The following CTNND2 variants were observed in gnomAD, a reference collection of about 807,000 sequenced individuals.
CTNND2 encodes catenin delta-2.
CTNND2 carries 22 observed loss-of-function variants against 144.4 expected under a neutral mutation model. That is an observed-to-expected ratio of 0.15 (90% CI 0.11 to 0.22). CTNND2 has a LOEUF of 0.22. CTNND2 is among the 10% of genes least tolerant of loss of function. The probability of loss-of-function intolerance (pLI) is 1.00; values close to 1 mark genes in which losing one functional copy is unlikely to be tolerated. For missense variants in CTNND2, 1,353 were observed against 1,618.8 expected (o/e 0.84, Z 2.82); for synonymous variants, 751 against 695.6 (o/e 1.08, Z -1.25).
chr5:11,076,551 T>A (rs187676999), intron 16 of CTNND2, among the ~76,000 whole-genome samples: 2 of 152,200 alleles, frequency 1.3e-5, no homozygotes, highest in Admixed American at 1.3e-4. Context: ...AAGAAATGTA[T>A]GGATGTGCAT....
chr5:11,297,256 T>G (rs1749119877), intron 9 of CTNND2, among the ~76,000 whole-genome samples: 1 of 152,242 alleles, frequency 6.6e-6, no homozygotes, highest in Admixed American at 6.5e-5. Context: ...TTTAAGGAAC[T>G]AAAACTTGTA....
chr5:10,983,925 C>A (rs367726794), intron 20 of CTNND2, among the ~76,000 whole-genome samples: 1 of 152,126 alleles, frequency 6.6e-6, no homozygotes, highest in African/African-American at 2.4e-5. Context: ...CCAGCTTTGC[C>A]GACCCTCCTT....
chr5:11,093,273 G>T (rs1427223931), intron 15 of CTNND2, among the ~76,000 whole-genome samples: 1 of 152,126 alleles, frequency 6.6e-6, no homozygotes, highest in East Asian at 1.9e-4. Context: ...AAGTACAATA[G>T]AAATAATCCA....
intron 11 of CTNND2, among the ~76,000 whole-genome samples, chr5:11,176,696 G>C (rs1341479934): frequency 6.6e-6 from 1 of 152,118 alleles, no homozygotes; most frequent in Non-Finnish European, 1.5e-5. Flanking sequence ...GGGAACTCAA[G>C]ATCCAGCAAA....
At chr5:11,048,275 ACAGT>A (rs1250065680) in intron 16 of CTNND2, among the ~76,000 whole-genome samples, 1 of 152,224 alleles carries the variant, frequency 6.6e-6, no homozygotes, top group Non-Finnish European at 1.5e-5. Context: ...ACCATGGCAA[ACAGT>A]CAGGTATCCC....
chr5:11,253,528 T>C (rs1009160490), intron 9 of CTNND2, among the ~76,000 whole-genome samples: 10 of 152,200 alleles, frequency 6.6e-5, no homozygotes, highest in Admixed American at 2.6e-4. Flanking sequence ...CCTGCTGCCA[T>C]GTAAGACATG....
chr5:11,006,587 C>T (rs142859930), intron 18 of CTNND2, among the ~76,000 whole-genome samples: 6 of 152,296 alleles, frequency 3.9e-5, no homozygotes, highest in African/African-American at 1.4e-4. Flanking sequence ...CAGTGGGGAG[C>T]CCTCCCTAAG....
At position 11,276,563 on chromosome 5, in the gene CTNND2, T is replaced by C. The variant is rs184479704; in HGVS notation, c.1629-39740A>G. Among the ~76,000 whole-genome samples the C allele has an allele frequency of 2.6e-3, 392 of 152,356 alleles. 1 individual carries two copies. The highest frequency in any genetic ancestry group is 9.2e-3 in the African/African-American group (383 of 41,590). ...GTATTCCCATCCAGTCTCACGACTT[T>C]AACTAGACTAGGGTATAGTGCATAG... On this transcript the variant is annotated intron_variant, in intron 9 of 21. Transcript: ENST00000304623.
intron 3 of CTNND2, among the ~76,000 whole-genome samples, chr5:11,526,908 A>AT (rs1773299709): frequency 4.3e-5 from 2 of 46,662 alleles, no homozygotes; most frequent in African/African-American, 2.6e-4. Flanking sequence ...TTTAAAGTGA[A>AT]AAAGAAAATA....
At chr5:11,445,695 A>T (rs1280651778) in intron 3 of CTNND2, among the ~76,000 whole-genome samples, 2 of 152,240 alleles carry the variant, frequency 1.3e-5, no homozygotes, top group Non-Finnish European at 2.9e-5. Context: ...TTTCAGCCAC[A>T]GGGAGGAAAT....
intron 2 of CTNND2, among the ~76,000 whole-genome samples, chr5:11,674,381 A>C (rs1388181857): frequency 5.3e-5 from 8 of 152,182 alleles, no homozygotes; most frequent in African/African-American, 1.9e-4. Flanking sequence ...GCGTAGTTTT[A>C]GGTTCACAGC....
At chr5:11,765,713 G>T (rs1484605766) in intron 1 of CTNND2, among the ~76,000 whole-genome samples, 2 of 151,926 alleles carry the variant, frequency 1.3e-5, no homozygotes, top group Non-Finnish European at 2.9e-5. Context: ...GTAGAGGAGG[G>T]GATAAATTGG....
At chr5:11,157,890 C>T (rs1580446082) in intron 12 of CTNND2, among the ~76,000 whole-genome samples, 1 of 152,292 alleles carries the variant, frequency 6.6e-6, no homozygotes. Context: ...ATTCTGGTCT[C>T]ACCAAACTGT....
At chr5:11,469,969 C>T (rs754539639) in intron 3 of CTNND2, among the ~76,000 whole-genome samples, 2 of 152,226 alleles carry the variant, frequency 1.3e-5, no homozygotes, top group East Asian at 1.9e-4. Flanking sequence ...CACAGGGCTA[C>T]CGGAGTGCAT....
At position 11,564,976 on chromosome 5, in the gene CTNND2, G is replaced by C. The variant is rs776202020; in HGVS notation, c.255C>G (p.Leu85=). 3 of 1,614,032 alleles carry C rather than the reference G, an allele frequency of 1.9e-6. No individual in the cohort carries two copies. Among genetic ancestry groups the C allele is most frequent in the East Asian group, 2.2e-5 (1 of 44,850 alleles). Residue 85 remains leucine (L), a synonymous_variant, in exon 3 of 22, where the codon CTC becomes CTG. Coordinates refer to ENST00000304623, the MANE Select transcript of CTNND2 (RefSeq NM_001332.4). ...TGCTCATGCTGCCAGTCTCGGATCC[G>C]AGCTTGCATCGCTCCAGCTGGCTGG... is the stretch of plus-strand genomic sequence containing the variant. The part of the protein sequence containing the change: ...IVASQLERCK[L]GSETGSMSSM...
intron 15 of CTNND2, among the ~76,000 whole-genome samples, chr5:11,085,736 C>A (rs971109161): frequency 6.6e-6 from 1 of 152,186 alleles, no homozygotes; most frequent in African/African-American, 2.4e-5. Flanking sequence ...AGAAAGGATG[C>A]AGTTTGGAGA....
intron 1 of CTNND2, among the ~76,000 whole-genome samples, chr5:11,877,287 G>A (rs1323740644): frequency 2.0e-5 from 3 of 151,998 alleles, no homozygotes; most frequent in Non-Finnish European, 1.5e-5. Flanking sequence ...TTCTTGAGAT[G>A]AGTACTTAGT....
chr5:11,772,415 C>A (rs1789999786), intron 1 of CTNND2, among the ~76,000 whole-genome samples: 1 of 152,096 alleles, frequency 6.6e-6, no homozygotes, highest in African/African-American at 2.4e-5. Flanking sequence ...GATAGGCGTT[C>A]TAACATGGGG....
chr5:11,465,425 T>G (rs1766576434), intron 3 of CTNND2, among the ~76,000 whole-genome samples: 1 of 152,106 alleles, frequency 6.6e-6, no homozygotes. Flanking sequence ...TGGTAAAAAT[T>G]TGAAACATAA....
Sources: gnomAD v4.1 joint callset for allele counts (sites outside exome capture counted in the v4.1 genomes callset) on GRCh38, gnomAD v4.1.1 for gene constraint, MANE v1.5 for transcripts, NCBI Gene and HGNC (gene_info 2026-07-23, HGNC 2026-07-21) for gene names.